DMRT3: variants seen among roughly 807,000 people sequenced by gnomAD.
DMRT3 encodes doublesex and mab-3 related transcription factor 3.
Under a neutral mutation model 34.9 loss-of-function variants are expected in DMRT3, and 29 were observed. The observed-to-expected ratio is 0.83, with a 90% CI of 0.62 to 1.13. The LOEUF (loss-of-function observed/expected upper bound fraction) is 1.13, where lower values mean the gene tolerates loss of function less well. Among genes scored for constraint, DMRT3 ranks in the 50% most tolerant of loss-of-function variants. The pLI is 0.00. For missense variants in DMRT3, 772 were observed against 629.1 expected, an observed-to-expected ratio of 1.23 and a Z score of -2.43; for synonymous variants, 350 against 286.0, an observed-to-expected ratio of 1.22 and a Z score of -2.26.
At position 990,757 on chromosome 9, in the gene DMRT3, C is replaced by T. The variant is rs1820351618; in HGVS notation, c.1171C>T (p.Leu391=). ...CCCCTTTTTGCCCAATGATGTCACCCTGTGGAACACCATGACGCTGCAGCA... is the reference window on the plus strand; with the variant it reads ...CCCCTTTTTGCCCAATGATGTCACCTTGTGGAACACCATGACGCTGCAGCA... ...SSPFLPNDVT[L]WNTMTLQQQY... Residue 391 remains leucine (L), a synonymous_variant, in exon 2 of 2, where the codon CTG becomes TTG. Coordinates refer to ENST00000190165, the MANE Select transcript of DMRT3 (RefSeq NM_021240.4). 1.9e-6 allele frequency: 3 copies of T among 1,614,078 alleles called. No individual in the cohort carries two copies. The highest frequency in any genetic ancestry group is 1.3e-5 in the African/African-American group (1 of 74,928).
Position 977,179 on chromosome 9 carries a change from C to G in DMRT3, c.178C>G (p.Leu60Val). 1.2e-6 allele frequency: 2 copies of G among 1,610,586 alleles called. No homozygotes were observed. Among genetic ancestry groups the G allele is most frequent in the Non-Finnish European group, 8.5e-7 (1 of 1,178,732 alleles). The change falls in exon 1 of 2, where the codon CTC becomes GTC. Residue 60 changes from leucine (L) to valine (V), a missense_variant. Leu to Val is a conservative substitution (Grantham distance 32). Transcript: ENST00000190165. Reference sequence around the variant, plus strand: ...GGACTGCACCTGCGAGAAGTGCATCCTCATCATCGAGCGGCAGCGGGTCAT... The same window carrying G: ...GGACTGCACCTGCGAGAAGTGCATCGTCATCATCGAGCGGCAGCGGGTCAT... ...FKDCTCEKCI[L>V]IIERQRVMAA... is the part of the protein sequence containing the mutation.
chr9:983,938 C>T (rs548563210), intron 1 of DMRT3, among the ~76,000 whole-genome samples: 1 of 150,562 alleles, frequency 6.6e-6, no homozygotes, highest in Non-Finnish European at 1.5e-5. Flanking sequence ...TTTTCACAAC[C>T]CTCCCCAACC....
At chr9:984,502 C>A (rs1413411714) in intron 1 of DMRT3, among the ~76,000 whole-genome samples, 1 of 151,314 alleles carries the variant, frequency 6.6e-6, no homozygotes, top group African/African-American at 2.4e-5. Flanking sequence ...GTCGCCGCAG[C>A]TGGAGTGCAG....
Position 976,864 on chromosome 9 carries a change from C to T in DMRT3, c.-138C>T, listed in dbSNP as rs918902216. 3.2e-6 allele frequency: 3 copies of T among 947,982 alleles called. No individual in the cohort carries two copies. The highest frequency in any genetic ancestry group is 1.7e-5 in the African/African-American group (1 of 57,392). The allele number at this position is 947,982 out of a possible 1,614,324, so 58.7% of individuals were successfully genotyped here. On this transcript the variant is annotated 5_prime_UTR_variant, in exon 1 of 2. Coordinates refer to ENST00000190165, the MANE Select transcript of DMRT3 (RefSeq NM_021240.4). This position sits in a 1 kb window ranked among gnomAD's most constrained non-coding sequence, Gnocchi z 4.5. ...CGGCACCTCCGGCCGCCCCGGAGCA[C>T]ACACGACCACCGGGGCTGCGGGACC...
chr9:990,254 G>T lies in DMRT3; in HGVS notation c.668G>T (p.Cys223Phe), dbSNP rs1398178889. 5 of 1,613,818 alleles carry T rather than the reference G, an allele frequency of 3.1e-6. No individual in the cohort carries two copies. The highest frequency in any genetic ancestry group is 4.2e-6 in the Non-Finnish European group (5 of 1,180,028). ...NPESRPDSPK[C>F]HAEQNHLLIE... Reference sequence around the variant, plus strand: ...GAGAGCCGCCCTGACAGCCCCAAGTGTCACGCGGAGCAGAATCACCTCCTG... The same window carrying T: ...GAGAGCCGCCCTGACAGCCCCAAGTTTCACGCGGAGCAGAATCACCTCCTG... The change falls in exon 2 of 2, where the codon TGT becomes TTT. Residue 223 changes from cysteine (C) to phenylalanine (F), a missense_variant. Coordinates refer to ENST00000190165, the MANE Select transcript of DMRT3 (RefSeq NM_021240.4).
intron 1 of DMRT3, among the ~76,000 whole-genome samples, chr9:981,766 C>T (rs1047539960): frequency 4.6e-5 from 7 of 152,194 alleles, no homozygotes; most frequent in African/African-American, 7.2e-5. Flanking sequence ...AATGGACTGC[C>T]GTCTCCTTGC....
rs376969943 is a variant in DMRT3, at chr9:990,074, C to T, written c.488C>T (p.Ser163Leu). 29 of 1,613,616 alleles carry T rather than the reference C, an allele frequency of 1.8e-5. No homozygotes were observed. Among genetic ancestry groups the T allele is most frequent in the East Asian group, 4.5e-5 (2 of 44,864 alleles). ...GAAGAACGACTTGGAGACGGCAAGT[C>T]GGCAGACAATACAGAGGTCTTCAGT... ...LTEERLGDGK[S>L]ADNTEVFSDK... Residue 163 changes from serine (S) to leucine (L), a missense_variant, in exon 2 of 2, where the codon TCG becomes TTG. Coordinates refer to ENST00000190165, the MANE Select transcript of DMRT3 (RefSeq NM_021240.4).
At chr9:982,829 C>T (rs1286670260) in intron 1 of DMRT3, among the ~76,000 whole-genome samples, 2 of 152,220 alleles carry the variant, frequency 1.3e-5, no homozygotes, top group Admixed American at 6.5e-5. Flanking sequence ...CTCTTCCTTT[C>T]TTCCTCGCCT....
In DMRT3 at chr9:986,487, C is replaced by T. The variant is rs111869716; in HGVS notation, c.455-3554C>T. Among the ~76,000 whole-genome samples the T allele has an allele frequency of 8.7e-3, 1,319 of 152,240 alleles. 16 individuals are homozygous for T. Among genetic ancestry groups the T allele is most frequent in the African/African-American group, 0.03 (1,232 of 41,530 alleles). On this transcript the variant is annotated intron_variant, in intron 1 of 1. Transcript: ENST00000190165. Reference sequence around the variant, plus strand: ...TGGAAGAGTCAATTTGGTTGACAGACCTGAGAAAACACTTCCTAATATGTT... The same window carrying T: ...TGGAAGAGTCAATTTGGTTGACAGATCTGAGAAAACACTTCCTAATATGTT...
At position 977,030 on chromosome 9, in the gene DMRT3, A is replaced by C; in HGVS notation, c.29A>C (p.Tyr10Ser). The change falls in exon 1 of 2, where the codon TAC becomes TCC. Residue 10 changes from tyrosine (Y) to serine (S), a missense_variant. By Grantham distance (144) the Tyr-to-Ser change is moderately radical (BLOSUM62 -2). Coordinates refer to ENST00000190165, the MANE Select transcript of DMRT3 (RefSeq NM_021240.4). ...AACGGCTACGGCTCCCCCTACCTGT[A>C]CATGGGCGGCCCGGTGTCGCAGCCG... MNGYGSPYL[Y>S]MGGPVSQPPR... is the part of the protein sequence containing the mutation. 6.4e-7 allele frequency: 1 copy of C among 1,559,774 alleles called. No individual in the cohort carries two copies. The highest frequency in any genetic ancestry group is 8.7e-7 in the Non-Finnish European group (1 of 1,154,820).
intron 1 of DMRT3, among the ~76,000 whole-genome samples, chr9:978,815 C>G (rs1820182425): frequency 6.6e-6 from 1 of 152,170 alleles, no homozygotes; most frequent in African/African-American, 2.4e-5. Flanking sequence ...GATATTTAAT[C>G]CAAGTTAGCA....
At chr9:988,152 A>C (rs1257849696) in intron 1 of DMRT3, among the ~76,000 whole-genome samples, 1 of 152,234 alleles carries the variant, frequency 6.6e-6, no homozygotes, top group African/African-American at 2.4e-5. Context: ...AAATAGAGTC[A>C]TTCTACAGTA....
Position 990,397 on chromosome 9 carries a change from C to G in DMRT3, c.811C>G (p.Leu271Val), listed in dbSNP as rs773389730. Residue 271 changes from leucine (L) to valine (V), a missense_variant, in exon 2 of 2, where the codon CTC (leucine) becomes GTC (valine). Physicochemically the swap from Leu to Val is conservative, Grantham distance 32. Coordinates refer to ENST00000190165, the MANE Select transcript of DMRT3 (RefSeq NM_021240.4). The stretch of plus-strand genomic sequence containing the variant: ...GAAGCCAACGGTGCTTGAGCTCATC[C>G]TCAAGGGCTGTGGCGGGGACCTGGT... The part of the protein sequence containing the change: ...NQKPTVLELI[L>V]KGCGGDLVSA... The G allele has an allele frequency of 8.1e-6, 13 of 1,614,120 alleles. No individual in the cohort carries two copies. Among genetic ancestry groups the G allele is most frequent in the Non-Finnish European group, 1.1e-5 (13 of 1,180,034 alleles).
chr9:983,449 CACTGTGAAATATAACCA>C lies in DMRT3; in HGVS notation c.454+5999_454+6015del, dbSNP rs1303143616. On this transcript the variant is annotated intron_variant, in intron 1 of 1. Coordinates refer to ENST00000190165, the MANE Select transcript of DMRT3 (RefSeq NM_021240.4). ...ATCCTTGGAATTATTTGCTGTATTTCACTGTGAAATATAACCAACTGCAGCTTACTTGGAATTTTGCA... is the reference window on the plus strand; with the variant it reads ...ATCCTTGGAATTATTTGCTGTATTTCACTGCAGCTTACTTGGAATTTTGCA... Among the ~76,000 whole-genome samples, 4 of 152,228 alleles carry C rather than the reference CACTGTGAAATATAACCA, an allele frequency of 2.6e-5. No homozygotes were observed. In the East Asian group the frequency reaches 7.7e-4, roughly 29 times the overall value.
At chr9:986,101 C>T (rs1416133295) in intron 1 of DMRT3, among the ~76,000 whole-genome samples, 1 of 152,204 alleles carries the variant, frequency 6.6e-6, no homozygotes, top group Admixed American at 6.5e-5. Flanking sequence ...GCATGATGCA[C>T]TAGCATGTCC....
chr9:985,777 A>G (rs1187275041), intron 1 of DMRT3, among the ~76,000 whole-genome samples: 1 of 152,228 alleles, frequency 6.6e-6, no homozygotes, highest in Non-Finnish European at 1.5e-5. Context: ...AAACTCCAAC[A>G]GCCTTACATG....
chr9:977,622 C>T (rs2130052251), intron 1 of DMRT3, among the ~76,000 whole-genome samples, 167 bp downstream of exon 1: 1 of 151,304 alleles, frequency 6.6e-6, no homozygotes, highest in African/African-American at 2.4e-5. Context: ...CGGGAGAAGC[C>T]GGCTGAGTCT....
At position 990,572 on chromosome 9, in the gene DMRT3, C is replaced by A; in HGVS notation, c.986C>A (p.Ser329Tyr). The A allele has an allele frequency of 6.2e-7, 1 of 1,614,134 alleles. No homozygotes were observed. Among genetic ancestry groups the A allele is most frequent in the Non-Finnish European group, 8.5e-7 (1 of 1,180,038 alleles). ...SSYPISSSKW[S>Y]VGSAFRVPDT... ...TACCCCATCTCGTCTTCCAAATGGT[C>A]TGTGGGATCAGCCTTTCGAGTCCCA... The change falls in exon 2 of 2, where the codon TCT (serine) becomes TAT (tyrosine). Residue 329 changes from serine to tyrosine, a missense_variant. Transcript: ENST00000190165.
In DMRT3 at chr9:990,465, G is replaced by T. The variant is rs369953592; in HGVS notation, c.879G>T (p.Thr293=). ...TTCTGTCCAGCCGATCCTCAGTCAC[G>T]GGAGCAGAGCGAACTTCCGCAGAAC... ...EVLLSSRSSV[T]GAERTSAEPE... is the part of the protein sequence containing the mutation. Residue 293 remains threonine, a synonymous_variant, in exon 2 of 2, where the codon ACG becomes ACT. Transcript: ENST00000190165. 1 of 1,614,044 alleles carries T rather than the reference G, an allele frequency of 6.2e-7. No homozygotes were observed. Among genetic ancestry groups the T allele is most frequent in the African/African-American group, 1.3e-5 (1 of 74,918 alleles).
Sources: gnomAD v4.1 joint callset for allele counts (sites outside exome capture counted in the v4.1 genomes callset) on GRCh38, gnomAD v4.1.1 for gene constraint, Gnocchi (gnomAD v3.1) non-coding constraint, MANE v1.5 for transcripts, NCBI Gene and HGNC (gene_info 2026-07-23, HGNC 2026-07-21) for gene names.